Variants in ANKRD30B observed in about 807,000 individuals in gnomAD.
ANKRD30B encodes the protein ankyrin repeat domain-containing protein 30B.
In ANKRD30B, 144 loss-of-function variants were observed where a neutral mutation model predicts 202.2. That is an observed-to-expected ratio of 0.71 (90% confidence interval 0.62 to 0.82). The LOEUF (loss-of-function observed/expected upper bound fraction) is 0.82, where lower values mean the gene tolerates loss of function less well. ANKRD30B is among the 40% of genes least tolerant of loss of function. The probability of loss-of-function intolerance (pLI) is 0.00; values close to 1 mark genes in which losing one functional copy is unlikely to be tolerated. For synonymous variants in ANKRD30B, 508 were observed against 561.3 expected, an observed-to-expected ratio of 0.91 and a Z score of 1.34; for missense variants, 1,487 against 1,669.1, an observed-to-expected ratio of 0.89 and a Z score of 1.90.
rs779627053 is a variant in ANKRD30B, at chr18:14,791,471, C to G, written c.1805C>G (p.Thr602Ser). The G allele has an allele frequency of 6.2e-7, 1 of 1,609,026 alleles. No individual in the cohort carries two copies. The highest frequency in any genetic ancestry group is 8.5e-7 in the Non-Finnish European group (1 of 1,178,110). Reference sequence around the variant, plus strand: ...GCTACACATCAAAAAGAATTCGATACCTTAAGTGGAAAATTAGAAGGTAAG... The same window carrying G: ...GCTACACATCAAAAAGAATTCGATAGCTTAAGTGGAAAATTAGAAGGTAAG... ...PKATHQKEFDTLSGKLEESPV... is the reference protein window; with the variant it reads ...PKATHQKEFDSLSGKLEESPV... The change falls in exon 16 of 44, where the codon ACC becomes AGC. Residue 602 changes from threonine to serine, a missense_variant. Thr to Ser is a moderately conservative substitution (Grantham distance 58, BLOSUM62 1). Around this residue, in one of 6 missense-constraint regions of ANKRD30B, gnomAD observed 889 missense variants for 841.4 expected, o/e 1.06. Transcript: ENST00000690538.
intron 1 of ANKRD30B, among the ~76,000 whole-genome samples, chr18:14,749,508 C>T (rs1411016949): frequency 6.6e-6 from 1 of 151,450 alleles, no homozygotes; most frequent in South Asian, 2.1e-4. Flanking sequence ...ACCGTCTCTA[C>T]AAAAATACAA....
chr18:14,938,198 C>G, the ANKRD30B span, among the ~76,000 whole-genome samples: 567 of 152,292 alleles, frequency 3.7e-3, 2 homozygotes, highest in African/African-American at 0.013. Flanking sequence ...GCCCTCAGCT[C>G]TGGCTGAATA....
At chr18:14,760,013 A>G (rs1334960204) in intron 5 of ANKRD30B, among the ~76,000 whole-genome samples, 2 of 152,222 alleles carry the variant, frequency 1.3e-5, no homozygotes, top group Non-Finnish European at 2.9e-5. Context: ...AAGTGCTTGC[A>G]TCACAGGCAT....
chr18:14,875,410 A>C, the ANKRD30B span, among the ~76,000 whole-genome samples: 1 of 152,220 alleles, frequency 6.6e-6, no homozygotes, highest in Admixed American at 6.5e-5. Context: ...GCATCTGGAC[A>C]GTGCCAGGCC....
chr18:14,765,327 G>A (rs1472021042), intron 7 of ANKRD30B, among the ~76,000 whole-genome samples: 1 of 152,030 alleles, frequency 6.6e-6, no homozygotes, highest in South Asian at 2.1e-4. Context: ...GCCAGGCTTG[G>A]TGGCACGTGC....
At chr18:14,808,433 G>A (rs1303380764) in intron 24 of ANKRD30B, 118 bp from the exon 25 acceptor site, 1 of 1,104,614 alleles carries the variant, frequency 9.1e-7, no homozygotes, top group South Asian at 1.3e-5. Flanking sequence ...CCAAAACCTA[G>A]TGTAATCCCT....
At chr18:14,937,749 G>A in the ANKRD30B span, among the ~76,000 whole-genome samples, 1 of 152,094 alleles carries the variant, frequency 6.6e-6, no homozygotes, top group African/African-American at 2.4e-5. Flanking sequence ...GCCTTTCGTT[G>A]CTTCGCCTTT....
intron 32 of ANKRD30B, among the ~76,000 whole-genome samples, chr18:14,825,764 A>C (rs1970633700): frequency 6.6e-6 from 1 of 152,242 alleles, no homozygotes; most frequent in East Asian, 1.9e-4. Flanking sequence ...TAACTAGGAA[A>C]TATAAATATA....
chr18:14,925,082 T>TA, the ANKRD30B span, among the ~76,000 whole-genome samples: 2 of 152,190 alleles, frequency 1.3e-5, no homozygotes, highest in African/African-American at 4.8e-5. Context: ...TAATGAGCCC[T>TA]TGTTCCCCCA....
chr18:14,853,725 A>G (rs1433284215), intron 42 of ANKRD30B, among the ~76,000 whole-genome samples, 84 bp from the exon 43 acceptor site: 4 of 152,182 alleles, frequency 2.6e-5, no homozygotes, highest in African/African-American at 9.7e-5. Flanking sequence ...AATAAACTGA[A>G]TCAATATATT....
chr18:14,908,479 C>A, the ANKRD30B span, among the ~76,000 whole-genome samples: 7 of 152,176 alleles, frequency 4.6e-5, no homozygotes, highest in African/African-American at 7.2e-5. Flanking sequence ...AGGTCACTGT[C>A]TCATGAAACT....
chr18:14,767,468 C>T (rs187175772), intron 7 of ANKRD30B, among the ~76,000 whole-genome samples: 1 of 152,266 alleles, frequency 6.6e-6, no homozygotes, highest in East Asian at 1.9e-4. Flanking sequence ...TGAATACGGT[C>T]TCTCAAAGTG....
chr18:14,882,987 T>C, the ANKRD30B span, among the ~76,000 whole-genome samples: 3 of 152,050 alleles, frequency 2.0e-5, no homozygotes, highest in East Asian at 1.9e-4. Flanking sequence ...ATCATTCTGA[T>C]GCAAAAACAA....
intron 15 of ANKRD30B, among the ~76,000 whole-genome samples, chr18:14,788,216 T>C (rs1968213617): frequency 6.6e-6 from 1 of 152,178 alleles, no homozygotes; most frequent in African/African-American, 2.4e-5. Flanking sequence ...GTCATTTATT[T>C]TTGATGAGGA....
chr18:14,882,766 G>T, the ANKRD30B span, among the ~76,000 whole-genome samples: 7 of 151,802 alleles, frequency 4.6e-5, no homozygotes, highest in African/African-American at 7.3e-5. Context: ...ACTAGTAATT[G>T]TTTTATAAAT....
At chr18:14,938,546 A>G in the ANKRD30B span, among the ~76,000 whole-genome samples, 1 of 152,176 alleles carries the variant, frequency 6.6e-6, no homozygotes, top group African/African-American at 2.4e-5. Context: ...AGGGTCTGAG[A>G]CATTCATAGT....
chr18:14,836,546 T>C (rs1273164803), intron 34 of ANKRD30B, among the ~76,000 whole-genome samples: 2 of 152,136 alleles, frequency 1.3e-5, no homozygotes, highest in East Asian at 1.9e-4. Context: ...TTGCCCCATC[T>C]CCCCATGTTC....
At chr18:14,772,404 A>G (rs1345153939) in intron 9 of ANKRD30B, among the ~76,000 whole-genome samples, 176 bp downstream of exon 9, 4 of 150,612 alleles carry the variant, frequency 2.7e-5, no homozygotes, top group African/African-American at 9.8e-5. Context: ...TTTTTACTTT[A>G]GTAAATAACA....
intron 32 of ANKRD30B, among the ~76,000 whole-genome samples, chr18:14,827,324 A>G (rs1297284304): frequency 1.3e-5 from 2 of 152,176 alleles, no homozygotes; most frequent in African/African-American, 4.8e-5. Context: ...TATGACTTGT[A>G]TATTTCTGGA....
Sources: gnomAD v4.1 joint callset for allele counts (sites outside exome capture counted in the v4.1 genomes callset) on GRCh38, gnomAD v4.1.1 for gene constraint, gnomAD v4.1.1 regional missense constraint, MANE v1.5 for transcripts, NCBI Gene and HGNC (gene_info 2026-07-23, HGNC 2026-07-21) for gene names.